RNPS1: variants seen among roughly 807,000 people sequenced by gnomAD.
The protein encoded by RNPS1 is RNA binding protein with serine rich domain 1, also known as RNA-binding protein with serine-rich domain 1.
For synonymous variants in RNPS1, 147 were observed against 150.0 expected (o/e 0.98, Z 0.15); for missense variants, 300 against 427.6 (o/e 0.70, Z 2.63).
intron 3 of RNPS1, among the ~76,000 whole-genome samples, 188 bp from the exon 4 acceptor site, chr16:2,263,475 T>C (rs561099805): frequency 6.6e-6 from 1 of 152,120 alleles, no homozygotes; most frequent in Non-Finnish European, 1.5e-5. Context: ...AGGTGTCACA[T>C]TGTGTGTGGG....
chr16:2,255,628 G>A lies in RNPS1; in HGVS notation c.775C>T (p.Pro259Ser), dbSNP rs941228107. Residue 259 changes from proline (P) to serine (S), a missense_variant, in exon 7 of 8, where the codon CCA becomes TCA. Transcript: ENST00000320225. ...GGAGACCTGCGCCACATAGGCGGTGGTGGCAACATTCTCCTGGGAGGGCTG... is the reference window on the plus strand; with the variant it reads ...GGAGACCTGCGCCACATAGGCGGTGATGGCAACATTCTCCTGGGAGGGCTG... ...RFSPPRRMLP[P>S]PPMWRRSPPR... 4 of 1,609,074 alleles carry A rather than the reference G, an allele frequency of 2.5e-6. No individual in the cohort carries two copies. The highest frequency in any genetic ancestry group is 3.4e-6 in the Non-Finnish European group (4 of 1,177,898).
intron 2 of RNPS1, 81 bp from the exon 3 acceptor site, chr16:2,264,412 T>A (rs2093616630): frequency 6.3e-7 from 1 of 1,597,620 alleles, no homozygotes; most frequent in Non-Finnish European, 8.6e-7. Context: ...GGGATCAGCA[T>A]CAGCAGGGCC....
At chr16:2,266,593 T>G in intron 1 of RNPS1, 1 of 985,358 alleles carries the variant, frequency 1.0e-6, no homozygotes, top group Non-Finnish European at 1.2e-6. Flanking sequence ...AAGAGTTGTA[T>G]CTCCACGTCC....
At chr16:2,267,050 C>A in intron 1 of RNPS1, 3 of 467,286 alleles carry the variant, frequency 6.4e-6, no homozygotes, top group Non-Finnish European at 8.4e-6. Context: ...CCCGAATGTA[C>A]TTGGTGAAAT....
At chr16:2,262,634 A>G (rs924647162) in intron 5 of RNPS1, 106 bp downstream of exon 5, 1 of 1,084,978 alleles carries the variant, frequency 9.2e-7, no homozygotes, top group Non-Finnish European at 1.4e-6. Context: ...CTCAAACCAC[A>G]TGCCACCACC....
At chr16:2,261,209 T>A (rs562889326) in intron 6 of RNPS1, among the ~76,000 whole-genome samples, 100 of 152,340 alleles carry the variant, frequency 6.6e-4, no homozygotes, top group African/African-American at 2.4e-3. Context: ...GTTTCCTTTT[T>A]CCTAATTGGA....
chr16:2,263,104 G>A lies in RNPS1; in HGVS notation c.411C>T (p.Ser137=). 6.2e-7 allele frequency: 1 copy of A among 1,612,424 alleles called. No homozygotes were observed. The highest frequency in any genetic ancestry group is 8.5e-7 in the Non-Finnish European group (1 of 1,179,788). The change falls in exon 4 of 8, where the codon TCC becomes TCT. Residue 137 remains serine (S), a synonymous_variant. Coordinates refer to ENST00000320225, the MANE Select transcript of RNPS1 (RefSeq NM_080594.4). The stretch of plus-strand genomic sequence containing the variant: ...AGGCGCAGGGCACTCACTTGGAGCG[G>A]GAGCGCCTCCTGTTGTCGTGTCTGC... ...SRRRHDNRRR[S]RSKSKPPKRD...
In RNPS1 at chr16:2,264,595, T is replaced by C; in HGVS notation, c.49A>G (p.Asn17Asp). Residue 17 changes from asparagine to aspartate, a missense_variant, in exon 2 of 8, where the codon AAT becomes GAT. Coordinates refer to ENST00000320225, the MANE Select transcript of RNPS1 (RefSeq NM_080594.4). The part of the protein sequence containing the change: ...KKKSLLGVKE[N>D]NKKSSTRAPS... ...TACCTAGTGCTGGACTTTTTATTATTTTCTTTGACTCCTAGCAAGCTCTTC... is the reference window on the plus strand; with the variant it reads ...TACCTAGTGCTGGACTTTTTATTATCTTCTTTGACTCCTAGCAAGCTCTTC... 6.2e-7 allele frequency: 1 copy of C among 1,613,496 alleles called. No homozygotes were observed. The highest frequency in any genetic ancestry group is 2.2e-5 in the East Asian group (1 of 44,886).
intron 6 of RNPS1, chr16:2,257,540 A>G (rs897651854): frequency 6.6e-6 from 1 of 152,220 alleles, no homozygotes; most frequent in African/African-American, 2.4e-5. Flanking sequence ...ACACACAAAA[A>G]AAATCCTACC....
At chr16:2,259,908 C>T (rs1291575849) in intron 6 of RNPS1, among the ~76,000 whole-genome samples, 2 of 152,042 alleles carry the variant, frequency 1.3e-5, no homozygotes, top group Non-Finnish European at 2.9e-5. Context: ...AAAGGTAAAG[C>T]GTTCATTAAT....
intron 1 of RNPS1, chr16:2,267,679 C>G (rs1413698496): frequency 1.7e-6 from 2 of 1,157,374 alleles, no homozygotes; most frequent in Admixed American, 5.1e-5. Context: ...CCCGTCCAGG[C>G]GCCGGGCCGC....
chr16:2,262,577 A>G (rs2093607497), intron 5 of RNPS1, 146 bp from the exon 6 acceptor site: 3 of 1,026,706 alleles, frequency 2.9e-6, no homozygotes, highest in Non-Finnish European at 4.4e-6. Context: ...TAAATCTCCC[A>G]GACACATGTA....
chr16:2,266,056 AGG>A, intron 1 of RNPS1: 1 of 937,288 alleles, frequency 1.1e-6, no homozygotes, highest in South Asian at 4.9e-5. Flanking sequence ...CACAAGCTGC[AGG>A]AGTTGTTAAG....
At chr16:2,263,057 G>A (rs756332087) in intron 4 of RNPS1, 39 bp downstream of exon 4, 39 of 1,597,996 alleles carry the variant, frequency 2.4e-5, no homozygotes, top group South Asian at 3.3e-5. Flanking sequence ...CTGTAGCCCC[G>A]AGCTTGTAAA....
At chr16:2,267,254 G>T (rs531669934) in intron 1 of RNPS1, 9 of 985,400 alleles carry the variant, frequency 9.1e-6, no homozygotes, top group Non-Finnish European at 1.1e-5. Flanking sequence ...CCAGAGAGAG[G>T]AGAGAACAAT....
intron 6 of RNPS1, among the ~76,000 whole-genome samples, chr16:2,260,814 T>C (rs918742856): frequency 3.3e-5 from 5 of 152,202 alleles, no homozygotes; most frequent in Admixed American, 6.5e-5. Context: ...TATTTGTCTT[T>C]TAATAAAAAT....
intron 3 of RNPS1, 48 bp downstream of exon 3, chr16:2,264,128 G>A: frequency 3.7e-6 from 6 of 1,604,982 alleles, no homozygotes; most frequent in Non-Finnish European, 5.1e-6. Flanking sequence ...GAGTGGGGGT[G>A]TAGCTGTGGC....
chr16:2,268,112 T>A lies in RNPS1; in HGVS notation c.-175A>T, dbSNP rs1457992085. ...CCTCAGCCGCCGAGGCCGGCGCCGC[T>A]CTGACGTCAGAGTCAAGGAGCGGGA... On this transcript the variant is annotated 5_prime_UTR_variant, in exon 1 of 8. Coordinates refer to ENST00000320225, the MANE Select transcript of RNPS1 (RefSeq NM_080594.4). 3 of 1,534,506 alleles carry A rather than the reference T, an allele frequency of 2.0e-6. No individual in the cohort carries two copies. In the East Asian group the frequency reaches 7.3e-5, roughly 38 times the overall value.
intron 6 of RNPS1, chr16:2,257,083 C>G (rs773043791): frequency 6.6e-6 from 1 of 152,134 alleles, no homozygotes; most frequent in Non-Finnish European, 1.5e-5. Flanking sequence ...GTAGATGGCA[C>G]TGAAACACAC....
Sources: allele counts gnomAD v4.1 joint callset (sites outside exome capture counted in the v4.1 genomes callset), GRCh38; gene constraint gnomAD v4.1.1; transcripts MANE v1.5; gene names NCBI Gene and HGNC (gene_info 2026-07-23, HGNC 2026-07-21).